The following MPPED2 variants were observed in gnomAD, a reference collection of about 807,000 sequenced individuals.
MPPED2 encodes metallophosphoesterase domain containing 2.
Under a neutral mutation model 33.0 loss-of-function variants are expected in MPPED2, and 5 were observed. The observed-to-expected ratio is 0.15, with a 90% CI of 0.08 to 0.32. The LOEUF (loss-of-function observed/expected upper bound fraction) is 0.32. Among genes scored for constraint, MPPED2 ranks in the 10% least tolerant of loss-of-function variants. The pLI, the probability that MPPED2 is intolerant of heterozygous loss-of-function variation, is 1.00. For synonymous variants in MPPED2, 136 were observed against 141.9 expected (o/e 0.96, Z 0.29); for missense variants, 275 against 372.1 (o/e 0.74, Z 2.15).
At chr11:30,461,268 G>A (rs966156692) in intron 4 of MPPED2, among the ~76,000 whole-genome samples, 16 of 152,192 alleles carry the variant, frequency 1.1e-4, no homozygotes, top group South Asian at 4.1e-4. Flanking sequence ...TTGAAATAAC[G>A]AAAAAAGCTC....
intron 3 of MPPED2, among the ~76,000 whole-genome samples, chr11:30,522,858 TC>T (rs1953951298): frequency 6.6e-6 from 1 of 152,164 alleles, no homozygotes; most frequent in East Asian, 1.9e-4. Context: ...TTTCATTTCC[TC>T]CCCCTGCACA....
At chr11:30,387,383 A>T (rs1490081486) in exon 7 of MPPED2, 1 of 152,190 alleles carries the variant, frequency 6.6e-6, no homozygotes, top group East Asian at 1.9e-4. Flanking sequence ...CCAGTCCCCC[A>T]TATTCCTTTC....
chr11:30,444,451 T>G (rs1949714037), intron 4 of MPPED2, among the ~76,000 whole-genome samples: 1 of 68,692 alleles, frequency 1.5e-5, no homozygotes, highest in Admixed American at 1.4e-4. Context: ...CATCATTCTA[T>G]TTTTTTTTTT....
intron 3 of MPPED2, among the ~76,000 whole-genome samples, chr11:30,535,238 C>T (rs956386590): frequency 6.6e-6 from 1 of 152,170 alleles, no homozygotes; most frequent in African/African-American, 2.4e-5. Flanking sequence ...ATATTATTGA[C>T]AATGTTACGC....
chr11:30,524,210 G>A (rs971907683), intron 3 of MPPED2, among the ~76,000 whole-genome samples: 7 of 152,026 alleles, frequency 4.6e-5, no homozygotes, highest in Admixed American at 2.0e-4. Flanking sequence ...CTGAGATAGC[G>A]CCATTGCACT....
At chr11:30,523,704 C>T (rs1954003838) in intron 3 of MPPED2, among the ~76,000 whole-genome samples, 1 of 150,090 alleles carries the variant, frequency 6.7e-6, no homozygotes, top group South Asian at 2.1e-4. Context: ...CTCAGCTCAC[C>T]GCAACCTCCA....
chr11:30,475,650 A>G (rs1423198546), intron 4 of MPPED2, among the ~76,000 whole-genome samples: 1 of 152,118 alleles, frequency 6.6e-6, no homozygotes, highest in East Asian at 1.9e-4. Context: ...TTATTTGCTG[A>G]GTAGTATTCC....
intron 5 of MPPED2, among the ~76,000 whole-genome samples, chr11:30,415,764 A>G (rs1041624215): frequency 1.3e-5 from 2 of 152,346 alleles, no homozygotes; most frequent in Admixed American, 1.3e-4. Context: ...CTTGGAGTCT[A>G]CAATTCAGAC....
intron 6 of MPPED2, among the ~76,000 whole-genome samples, chr11:30,392,166 G>T (rs1947786615): frequency 6.6e-6 from 1 of 152,134 alleles, no homozygotes. Flanking sequence ...CAACATTTTT[G>T]AACACTGGCA....
At chr11:30,504,000 C>T (rs1046808323) in intron 3 of MPPED2, among the ~76,000 whole-genome samples, 1 of 152,130 alleles carries the variant, frequency 6.6e-6, no homozygotes, top group Non-Finnish European at 1.5e-5. Context: ...ATAGTCAGAC[C>T]TGTTATCACA....
chr11:30,393,031 A>G (rs909001724), intron 6 of MPPED2, among the ~76,000 whole-genome samples: 1 of 151,850 alleles, frequency 6.6e-6, no homozygotes, highest in Admixed American at 6.6e-5. Context: ...CCCAGCCACT[A>G]CTTCCCTGAA....
chr11:30,463,680 A>T (rs968205601), intron 4 of MPPED2, among the ~76,000 whole-genome samples: 2 of 152,230 alleles, frequency 1.3e-5, no homozygotes, highest in Non-Finnish European at 2.9e-5. Flanking sequence ...TCTGGGTTAC[A>T]TGTTAAGGCC....
At chr11:30,398,682 G>T (rs1244151792) in intron 6 of MPPED2, among the ~76,000 whole-genome samples, 1 of 152,080 alleles carries the variant, frequency 6.6e-6, no homozygotes, top group African/African-American at 2.4e-5. Flanking sequence ...GTAAGTTTTA[G>T]TTCCTTGCAA....
chr11:30,550,674 A>G (rs1051974560), intron 2 of MPPED2, among the ~76,000 whole-genome samples: 1 of 152,190 alleles, frequency 6.6e-6, no homozygotes, highest in Non-Finnish European at 1.5e-5. Flanking sequence ...GTAAAACCTC[A>G]GCCAGGTCTG....
intron 6 of MPPED2, among the ~76,000 whole-genome samples, chr11:30,399,874 C>G (rs1947886500): frequency 6.6e-6 from 1 of 152,066 alleles, no homozygotes; most frequent in Non-Finnish European, 1.5e-5. Flanking sequence ...TCCATATATA[C>G]TTTTTAAAAA....
At chr11:30,407,736 TG>T (rs1305631519), downstream of MPPED2, among the ~76,000 whole-genome samples, 1 of 151,974 alleles carries the variant, frequency 6.6e-6, no homozygotes, top group Non-Finnish European at 1.5e-5. Flanking sequence ...CTGGGCGCGG[TG>T]GCACGAGCCT....
intron 4 of MPPED2, among the ~76,000 whole-genome samples, chr11:30,461,274 A>G (rs1297749554): frequency 6.6e-6 from 1 of 152,200 alleles, no homozygotes; most frequent in Non-Finnish European, 1.5e-5. Context: ...TAACGAAAAA[A>G]GCTCTGGAGA....
At chr11:30,478,238 G>A (rs924581746) in intron 4 of MPPED2, among the ~76,000 whole-genome samples, 1 of 152,086 alleles carries the variant, frequency 6.6e-6, no homozygotes, top group African/African-American at 2.4e-5. Context: ...AGGAGACTTA[G>A]TTTGTTAGGA....
At chr11:30,570,240 TTTTCA>T (rs1956632363) in intron 2 of MPPED2, among the ~76,000 whole-genome samples, 1 of 152,044 alleles carries the variant, frequency 6.6e-6, no homozygotes, top group South Asian at 2.1e-4. Context: ...GGCAGGCATC[TTTTCA>T]CCGTAACCTC....
Sources: gnomAD v4.1 joint callset for allele counts (sites outside exome capture counted in the v4.1 genomes callset) on GRCh38, gnomAD v4.1.1 for gene constraint, MANE v1.5 for transcripts, NCBI Gene and HGNC (gene_info 2026-07-23, HGNC 2026-07-21) for gene names.